Variants in PCDHGB2 observed in about 807,000 individuals in gnomAD.
PCDHGB2 encodes the protein protocadherin gamma-B2.
Under a neutral mutation model 59.3 loss-of-function variants are expected in PCDHGB2, and 55 were observed. The ratio of observed to expected loss-of-function variants is 0.93; its 90% CI spans 0.75 to 1.16. The LOEUF (loss-of-function observed/expected upper bound fraction) is 1.16, where lower values mean the gene tolerates loss of function less well. PCDHGB2 is among the 50% of genes most tolerant of loss of function. The pLI, the probability that PCDHGB2 is intolerant of heterozygous loss-of-function variation, is 0.00. For missense variants in PCDHGB2, 1,228 were observed against 1,198.5 expected (o/e 1.02, Z -0.36); for synonymous variants, 516 against 512.0 (o/e 1.01, Z -0.11).
chr5:141,399,850 C>T (rs768366007), intron 1 of PCDHGB2: 1 of 1,612,946 alleles, frequency 6.2e-7, no homozygotes, highest in Non-Finnish European at 8.5e-7. Flanking sequence ...CGATATGGTG[C>T]CGCGCGCTGC....
chr5:141,383,043 C>T, intron 1 of PCDHGB2: 1 of 1,613,860 alleles, frequency 6.2e-7, no homozygotes, highest in Non-Finnish European at 8.5e-7. Flanking sequence ...TGGGAGACAT[C>T]GCCAAGGACC....
chr5:141,387,571 T>C (rs1183327637), intron 1 of PCDHGB2: 2 of 474,240 alleles, frequency 4.2e-6, no homozygotes, highest in African/African-American at 2.0e-5. Flanking sequence ...ACAATTATAA[T>C]TATTGCACTG....
chr5:141,425,015 A>G (rs1285592254), intron 1 of PCDHGB2, among the ~76,000 whole-genome samples: 2 of 152,190 alleles, frequency 1.3e-5, no homozygotes, highest in East Asian at 3.8e-4. Context: ...TCATTTAGGA[A>G]TTTACCTTAT....
At chr5:141,403,577 C>T (rs1188693688) in intron 1 of PCDHGB2, 2 of 1,613,812 alleles carry the variant, frequency 1.2e-6, no homozygotes, top group South Asian at 1.1e-5. Context: ...AACTGCCCAC[C>T]ACCTGGTCCT....
chr5:141,428,043 A>C (rs765740380), intron 1 of PCDHGB2: 1 of 1,608,722 alleles, frequency 6.2e-7, no homozygotes, highest in South Asian at 1.1e-5. Context: ...CTACCTGGTG[A>C]CCAAGGTGGT....
At chr5:141,368,533 CT>C (rs1239634165) in intron 1 of PCDHGB2, among the ~76,000 whole-genome samples, 2 of 152,024 alleles carry the variant, frequency 1.3e-5, no homozygotes, top group Non-Finnish European at 2.9e-5. Context: ...TGAAAACTTG[CT>C]TTTCCATTTT....
At chr5:141,507,797 C>T (rs933921827) in intron 3 of PCDHGB2, among the ~76,000 whole-genome samples, 3 of 152,240 alleles carry the variant, frequency 2.0e-5, no homozygotes, top group Non-Finnish European at 2.9e-5. Flanking sequence ...TCTAAGCCTG[C>T]GCCCTGGGGA....
In PCDHGB2 at chr5:141,360,356, A is replaced by G; in HGVS notation, c.221A>G (p.Tyr74Cys). 1 of 1,613,930 alleles carries G rather than the reference A, an allele frequency of 6.2e-7. No homozygotes were observed. Among genetic ancestry groups the G allele is most frequent in the Non-Finnish European group, 8.5e-7 (1 of 1,179,828 alleles). The change falls in exon 1 of 4, where the codon TAT becomes TGT. Residue 74 changes from tyrosine (Y) to cysteine (C), a missense_variant. This residue lies in a region of PCDHGB2 where 781 missense variants were observed against 721.6 expected (regional missense o/e 1.08). Transcript: ENST00000522605. ...RKLRVSAEKEYFTVNPESGDL... is the reference protein window; with the variant it reads ...RKLRVSAEKECFTVNPESGDL... ...CTGCGGGTTAGCGCGGAGAAGGAAT[A>G]TTTCACAGTAAACCCAGAAAGCGGA... is the stretch of plus-strand genomic sequence containing the variant.
chr5:141,465,574 C>T (rs1477852984), intron 1 of PCDHGB2, among the ~76,000 whole-genome samples: 2 of 152,160 alleles, frequency 1.3e-5, no homozygotes, highest in Admixed American at 1.3e-4. Context: ...TTTCTCAAAA[C>T]ACTCTCATAA....
chr5:141,500,501 G>T (rs571735791), intron 2 of PCDHGB2, among the ~76,000 whole-genome samples: 6 of 152,176 alleles, frequency 3.9e-5, no homozygotes, highest in Non-Finnish European at 8.8e-5. Context: ...GAGCCACCGC[G>T]CCTGGCCGAG....
intron 1 of PCDHGB2, chr5:141,427,959 C>A: frequency 1.3e-6 from 2 of 1,588,886 alleles, no homozygotes; most frequent in Non-Finnish European, 1.7e-6. Flanking sequence ...CAATGTGCCG[C>A]GGGTGCTGTA....
intron 1 of PCDHGB2, chr5:141,390,223 G>A (rs137959577): frequency 3.7e-6 from 6 of 1,614,020 alleles, no homozygotes; most frequent in East Asian, 2.2e-5. Context: ...ATACTTTGCG[G>A]TGATTCATCT....
intron 1 of PCDHGB2, chr5:141,404,498 G>A (rs1237860716): frequency 6.2e-7 from 1 of 1,613,878 alleles, no homozygotes; most frequent in East Asian, 2.2e-5. Context: ...TGTGCTGTAT[G>A]CTCTGTGCTC....
rs1419377760 is a variant in PCDHGB2 at position 141,418,687 on chromosome 5, GATCACTT to G, written c.2421+56134_2421+56140del. ...ACCAGGACGAGGGCATCAACTCAGA[GATCACTT>G]ATTCCTTCTTTGGTGTGGCTGACAA... On this transcript the variant is annotated intron_variant, in intron 1 of 3. Transcript: ENST00000522605. 6 of 1,613,928 alleles carry G rather than the reference GATCACTT, an allele frequency of 3.7e-6. No individual in the cohort carries two copies. In the African/African-American group the frequency reaches 8.0e-5, roughly 22 times the overall value.
At position 141,403,190 on chromosome 5, in the gene PCDHGB2, C is replaced by G. The variant is rs768673759; in HGVS notation, c.2421+40634C>G. The G allele has an allele frequency of 1.1e-5, 17 of 1,613,864 alleles. No homozygotes were observed. The African/African-American group carries it at 2.0e-4, about 19-fold the overall frequency. On this transcript the variant is annotated intron_variant, in intron 1 of 3. Coordinates refer to ENST00000522605, the MANE Select transcript of PCDHGB2 (RefSeq NM_018923.3). ...GACGCAGCTTTTCTCTCTGAACCCG[C>G]GCAGCGGCACCTTGGTCACCGCGGG...
intron 1 of PCDHGB2, among the ~76,000 whole-genome samples, chr5:141,456,359 G>A (rs2098853225): frequency 6.6e-6 from 1 of 152,158 alleles, no homozygotes; most frequent in Non-Finnish European, 1.5e-5. Context: ...TGGCGTCCAT[G>A]TGTGGTTCAG....
rs755429700 is a variant in PCDHGB2, at chr5:141,375,609, C to G, written c.2421+13053C>G. ...CTGTCCTCCTACGTGTCCATCAACT[C>G]CGACACTGGGATTCTGTACGCCCTG... On this transcript the variant is annotated intron_variant, in intron 1 of 3. Coordinates refer to ENST00000522605, the MANE Select transcript of PCDHGB2 (RefSeq NM_018923.3). 9.9e-6 allele frequency: 16 copies of G among 1,614,108 alleles called. No homozygotes were observed. The African/African-American group carries it at 2.1e-4, about 22-fold the overall frequency.
At chr5:141,414,790 A>G (rs1190584746) in intron 1 of PCDHGB2, 1 of 1,614,226 alleles carries the variant, frequency 6.2e-7, no homozygotes, top group South Asian at 1.1e-5. Context: ...GGTGACAGCC[A>G]GCGACAGCGG....
chr5:141,389,182 G>T, intron 1 of PCDHGB2: 1 of 1,614,032 alleles, frequency 6.2e-7, no homozygotes, highest in Non-Finnish European at 8.5e-7. Flanking sequence ...CTCTCCTCCA[G>T]TTCCAGCATC....
Sources: gnomAD v4.1 joint callset for allele counts (sites outside exome capture counted in the v4.1 genomes callset) on GRCh38, gnomAD v4.1.1 for gene constraint, gnomAD v4.1.1 regional missense constraint, MANE v1.5 for transcripts, NCBI Gene and HGNC (gene_info 2026-07-23, HGNC 2026-07-21) for gene names.